Variants in SHANK2 observed in about 807,000 individuals in gnomAD.
SHANK2 encodes SH3 and multiple ankyrin repeat domains 2.
A neutral mutation model predicts 133.7 loss-of-function variants in SHANK2; 43 were observed. The ratio of observed to expected loss-of-function variants is 0.32; its 90% CI spans 0.25 to 0.41. The LOEUF (loss-of-function observed/expected upper bound fraction) is 0.41, where lower values mean the gene tolerates loss of function less well. Ranked by LOEUF, SHANK2 falls within the 10% of genes least tolerant of loss-of-function variation. SHANK2 has a pLI of 1.00. For synonymous variants in SHANK2, 1,017 were observed against 952.8 expected (o/e 1.07, Z -1.24); for missense variants, 1,994 against 2,235.8 (o/e 0.89, Z 2.18).
intron 17 of SHANK2, among the ~76,000 whole-genome samples, chr11:70,505,476 G>A (rs1320703914): frequency 6.6e-6 from 1 of 152,100 alleles, no homozygotes. Context: ...GCCCCCAGCT[G>A]CCTGGCCACT....
intron 11 of SHANK2, among the ~76,000 whole-genome samples, chr11:70,879,264 C>T (rs1565379519): frequency 6.6e-6 from 1 of 152,240 alleles, no homozygotes; most frequent in Non-Finnish European, 1.5e-5. Context: ...TCTGAAGCCT[C>T]CATAACGTCT....
intron 15 of SHANK2, among the ~76,000 whole-genome samples, chr11:70,682,078 G>A (rs893505943): frequency 9.9e-5 from 15 of 152,236 alleles, no homozygotes; most frequent in African/African-American, 3.4e-4. Context: ...CCTGCTGGAG[G>A]GTGCTTTGTG....
Position 70,487,244 on chromosome 11 carries a change from A to C in SHANK2, c.3049T>G (p.Ser1017Ala). 6.2e-7 allele frequency: 1 copy of C among 1,614,034 alleles called. No homozygotes were observed. The highest frequency in any genetic ancestry group is 1.1e-5 in the South Asian group (1 of 91,078). ...ARRKGMLVKQ[S>A]NVEDSPEKTC... ...TTCTCGGGGCTGTCCTCCACGTTGG[A>C]CTGCTTCACCAGCATCCCCTTCCGC... The change falls in exon 25 of 26, where the codon TCC becomes GCC. Residue 1017 changes from serine (S) to alanine (A), a missense_variant. Ser to Ala is a moderately conservative substitution (Grantham distance 99, BLOSUM62 1). Transcript: ENST00000601538. The surrounding 1 kb of genome is among the most constrained non-coding windows in gnomAD (Gnocchi z 5.8).
chr11:70,872,276 A>G (rs551860655), intron 11 of SHANK2: 4 of 154,840 alleles, frequency 2.6e-5, no homozygotes, highest in African/African-American at 7.2e-5. Flanking sequence ...GCAGATCCAC[A>G]TTGAAGGTAG....
intron 11 of SHANK2, among the ~76,000 whole-genome samples, chr11:70,843,762 A>T (rs1249746242): frequency 6.6e-6 from 1 of 152,032 alleles, no homozygotes; most frequent in African/African-American, 2.4e-5. Flanking sequence ...TGCACACGGG[A>T]GACTGATACA....
At chr11:70,903,582 C>T (rs568736552) in intron 10 of SHANK2, among the ~76,000 whole-genome samples, 123 of 152,210 alleles carry the variant, frequency 8.1e-4, no homozygotes, top group Middle Eastern at 3.4e-3. Context: ...CATTGGCAAG[C>T]GTCATTGGGA....
chr11:70,709,687 G>A (rs980814467), intron 14 of SHANK2, among the ~76,000 whole-genome samples: 2 of 152,188 alleles, frequency 1.3e-5, no homozygotes, highest in Non-Finnish European at 2.9e-5. Flanking sequence ...CACACACTCA[G>A]TGTTGGGCCG....
At chr11:70,815,434 G>C (rs965405475) in intron 12 of SHANK2, among the ~76,000 whole-genome samples, 1 of 152,056 alleles carries the variant, frequency 6.6e-6, no homozygotes, top group African/African-American at 2.4e-5. Context: ...GATGGGCAGC[G>C]AGGGACCCTG....
At chr11:70,934,088 G>T (rs1398520205) in intron 10 of SHANK2, among the ~76,000 whole-genome samples, 1 of 151,434 alleles carries the variant, frequency 6.6e-6, no homozygotes, top group Admixed American at 6.6e-5. Context: ...AAGAATTAGT[G>T]GTGTGTGGTG....
intron 14 of SHANK2, among the ~76,000 whole-genome samples, chr11:70,699,633 T>C (rs1945477158): frequency 6.6e-6 from 1 of 152,210 alleles, no homozygotes; most frequent in African/African-American, 2.4e-5. Flanking sequence ...AAATCATTTT[T>C]TCTTCCACTC....
chr11:70,723,764 A>G (rs1946117255), intron 14 of SHANK2, among the ~76,000 whole-genome samples: 1 of 152,182 alleles, frequency 6.6e-6, no homozygotes, highest in Admixed American at 6.5e-5. Context: ...TCTATGGGTG[A>G]AACTGTCTCT....
intron 17 of SHANK2, among the ~76,000 whole-genome samples, chr11:70,547,009 C>G (rs915000497): frequency 6.6e-6 from 1 of 152,184 alleles, no homozygotes; most frequent in Non-Finnish European, 1.5e-5. Flanking sequence ...CTCCCACCCC[C>G]ACCTGGGATG....
chr11:70,823,545 AG>A (rs1948586069), intron 11 of SHANK2, among the ~76,000 whole-genome samples: 1 of 80,956 alleles, frequency 1.2e-5, no homozygotes, highest in Non-Finnish European at 2.4e-5. Context: ...AGAGTTCATG[AG>A]GGACAGAGGT....
At chr11:70,642,209 G>A (rs1434297600) in intron 17 of SHANK2, among the ~76,000 whole-genome samples, 2 of 152,196 alleles carry the variant, frequency 1.3e-5, no homozygotes, top group Non-Finnish European at 2.9e-5. Flanking sequence ...GCTGCGCCCT[G>A]ACCTCAAACC....
At chr11:70,713,618 T>C (rs1328800488) in intron 14 of SHANK2, among the ~76,000 whole-genome samples, 1 of 151,762 alleles carries the variant, frequency 6.6e-6, no homozygotes, top group African/African-American at 2.4e-5. Flanking sequence ...CCTCCAAGAG[T>C]CTGAGGAAGA....
rs1445348591 is a variant in SHANK2 at position 70,472,305 on chromosome 11, C to T, written c.*564G>A. On this transcript the variant is annotated 3_prime_UTR_variant, in exon 26 of 26. Transcript: ENST00000601538. The surrounding 1 kb of genome is among the most constrained non-coding windows in gnomAD (Gnocchi z 4.4). ...ATCTGTGTAGGAAAAAGTTTCTCTG[C>T]CTTTCAGGCCCATGATGGGGCACTG... 6.4e-6 allele frequency: 1 copy of T among 156,534 alleles called. No homozygotes were observed. Among genetic ancestry groups the T allele is most frequent in the Non-Finnish European group, 1.4e-5 (1 of 70,702 alleles). The allele number at this position is 156,534 out of a possible 1,614,324, so 9.7% of individuals were successfully genotyped here.
At chr11:70,720,265 G>A (rs1286536751) in intron 14 of SHANK2, among the ~76,000 whole-genome samples, 5 of 152,218 alleles carry the variant, frequency 3.3e-5, no homozygotes, top group African/African-American at 1.2e-4. Flanking sequence ...CATTTCTGAT[G>A]TAGGGGTCAT....
chr11:71,155,680 C>G (rs1555108995), intron 2 of SHANK2, among the ~76,000 whole-genome samples: 1 of 151,396 alleles, frequency 6.6e-6, no homozygotes, highest in African/African-American at 2.4e-5. Flanking sequence ...CCCCATACCC[C>G]TCAAAGCTCC....
chr11:71,147,310 G>A lies in SHANK2; in HGVS notation c.17C>T (p.Thr6Ile). 6.4e-7 allele frequency: 1 copy of A among 1,550,694 alleles called. No individual in the cohort carries two copies. The highest frequency in any genetic ancestry group is 8.7e-7 in the Non-Finnish European group (1 of 1,146,690). The stretch of plus-strand genomic sequence containing the variant: ...CTGGGCCATCTCGTCCTCGCTGGAT[G>A]TTGGGCTGCGCGGCATGGCTGCCTG... MPRSP[T>I]SSEDEMAQSF... Residue 6 changes from threonine to isoleucine, a missense_variant, in exon 3 of 26, where the codon ACA becomes ATA. Coordinates refer to ENST00000601538, the MANE Select transcript of SHANK2 (RefSeq NM_012309.5).
Sources: gnomAD v4.1 joint callset for allele counts (sites outside exome capture counted in the v4.1 genomes callset) on GRCh38, gnomAD v4.1.1 for gene constraint, Gnocchi (gnomAD v3.1) non-coding constraint, MANE v1.5 for transcripts, NCBI Gene and HGNC (gene_info 2026-07-23, HGNC 2026-07-21) for gene names.